NEU3: variants seen among roughly 807,000 people sequenced by gnomAD.
NEU3 encodes neuraminidase 3.
In NEU3, 10 loss-of-function variants were observed where a neutral mutation model predicts 11.4. That is an observed-to-expected ratio of 0.88 (90% CI 0.54 to 1.49). NEU3 has a LOEUF of 1.49. Among genes scored for constraint, NEU3 ranks in the 40% most tolerant of loss-of-function variants. The pLI is 0.00. For missense variants in NEU3, 529 were observed against 581.8 expected (o/e 0.91, Z 0.93); for synonymous variants, 212 against 228.2 (o/e 0.93, Z 0.64).
chr11:75,004,319 C>A, intron 2 of NEU3: 2 of 676,018 alleles, frequency 3.0e-6, no homozygotes, highest in South Asian at 3.1e-5. Flanking sequence ...GGGGTTTTGC[C>A]ATGTTGCCCA....
chr11:75,015,728 T>C (rs1182883504), downstream of NEU3, among the ~76,000 whole-genome samples: 1 of 152,244 alleles, frequency 6.6e-6, no homozygotes, highest in East Asian at 1.9e-4. Flanking sequence ...GAATACAGAC[T>C]GTTACTACTA....
chr11:74,992,877 T>C (rs889484164), intron 1 of NEU3, among the ~76,000 whole-genome samples: 1 of 152,128 alleles, frequency 6.6e-6, no homozygotes, highest in African/African-American at 2.4e-5. Flanking sequence ...GGGGAGTTGC[T>C]TGAACCCAGG....
downstream of NEU3, among the ~76,000 whole-genome samples, chr11:75,012,180 T>G (rs931686031): frequency 6.6e-6 from 1 of 152,178 alleles, no homozygotes; most frequent in African/African-American, 2.4e-5. Context: ...CCTCACATCC[T>G]CGTAGCCTAA....
Position 75,006,014 on chromosome 11 carries a change from G to C in NEU3, c.908G>C (p.Arg303Pro). 6.2e-7 allele frequency: 1 copy of C among 1,613,944 alleles called. No individual in the cohort carries two copies. The change falls in exon 3 of 3, where the codon CGA becomes CCA. Residue 303 changes from arginine (R) to proline (P), a missense_variant. Transcript: ENST00000294064. ...GEGFQRLALS[R>P]QLCEPPHGCQ... The stretch of plus-strand genomic sequence containing the variant: ...GGCTTTCAGAGACTGGCCCTGAGTC[G>C]ACAGCTCTGTGAGCCCCCACATGGT...
chr11:74,983,555 G>A (rs181306140), upstream of NEU3, among the ~76,000 whole-genome samples: 7 of 152,280 alleles, frequency 4.6e-5, no homozygotes, highest in African/African-American at 9.6e-5. Context: ...AAACAACAGC[G>A]GCCAGAGGAG....
chr11:75,015,922 C>T (rs1188149312), intron 3 of NEU3, among the ~76,000 whole-genome samples: 2 of 152,174 alleles, frequency 1.3e-5, no homozygotes, highest in Non-Finnish European at 2.9e-5. Flanking sequence ...CAGATCTGGA[C>T]AAGTGGGCAC....
upstream of NEU3, among the ~76,000 whole-genome samples, chr11:74,984,718 A>T (rs1412179075): frequency 6.6e-6 from 1 of 152,198 alleles, no homozygotes; most frequent in African/African-American, 2.4e-5. Context: ...TGCTCTGCTA[A>T]TACGGGTGCC....
intron 2 of NEU3, chr11:75,004,154 C>T: frequency 2.0e-6 from 1 of 508,044 alleles, no homozygotes; most frequent in South Asian, 2.9e-5. Context: ...GTCCTACATA[C>T]AGGTTGAACC....
chr11:75,011,264 G>T (rs1302120386), downstream of NEU3, among the ~76,000 whole-genome samples: 1 of 152,164 alleles, frequency 6.6e-6, no homozygotes, highest in Non-Finnish European at 1.5e-5. Context: ...TTCTCAACTT[G>T]TAGCTGAAGG....
chr11:74,995,350 C>T (rs560092184), intron 2 of NEU3, among the ~76,000 whole-genome samples: 113 of 152,276 alleles, frequency 7.4e-4, no homozygotes, highest in African/African-American at 1.3e-3. Flanking sequence ...TTTGGTCACG[C>T]GTCTAATAAG....
At chr11:75,017,649 TG>T (rs1948986959) in intron 3 of NEU3, among the ~76,000 whole-genome samples, 1 of 152,142 alleles carries the variant, frequency 6.6e-6, no homozygotes, top group South Asian at 2.1e-4. Flanking sequence ...TTGGGGATAT[TG>T]GGGCCAAAGG....
rs529231428 is a variant in NEU3, at chr11:75,000,847, C to T, written c.307-4566C>T. Among the ~76,000 whole-genome samples the T allele has an allele frequency of 1.7e-4, 26 of 150,682 alleles. No individual in the cohort carries two copies. The East Asian group carries it at 4.1e-3, about 24-fold the overall frequency. ...AGAAATGGGGTTTCAGTATGTTGCC[C>T]GGGCTCCATTCATCTCTTGATGGAT... On this transcript the variant is annotated intron_variant, in intron 2 of 2. Coordinates refer to ENST00000294064, the MANE Select transcript of NEU3 (RefSeq NM_006656.6).
chr11:74,990,105 G>C, intron 1 of NEU3: 1 of 667,550 alleles, frequency 1.5e-6, no homozygotes, highest in Non-Finnish European at 2.7e-6. Context: ...GAAATTGTGA[G>C]GACATCAAAA....
Position 75,006,136 on chromosome 11 carries a change from C to A in NEU3, c.1030C>A (p.Pro344Thr), listed in dbSNP as rs370933888. Residue 344 changes from proline (P) to threonine (T), a missense_variant, in exon 3 of 3, where the codon CCA becomes ACA. By Grantham distance (38) the Pro-to-Thr change is conservative (BLOSUM62 -1). Coordinates refer to ENST00000294064, the MANE Select transcript of NEU3 (RefSeq NM_006656.6). Reference protein sequence around the residue: ...KDAPTIQQSSPGSSLRLEEEA... With the variant: ...KDAPTIQQSSTGSSLRLEEEA... ...TGCACCCACCATTCAGCAGAGCTCT[C>A]CAGGCAGTTCACTGAGGCTGGAGGA... is the stretch of plus-strand genomic sequence containing the variant. 6.2e-7 allele frequency: 1 copy of A among 1,613,990 alleles called. No homozygotes were observed. Among genetic ancestry groups the A allele is most frequent in the Non-Finnish European group, 8.5e-7 (1 of 1,179,890 alleles).
At chr11:74,980,735 A>T in the NEU3 span, among the ~76,000 whole-genome samples, 1 of 152,260 alleles carries the variant, frequency 6.6e-6, no homozygotes, top group Non-Finnish European at 1.5e-5. Context: ...GTGGTTCCAG[A>T]GTTACTGGAA....
chr11:74,995,445 T>G (rs1839810775), intron 2 of NEU3, among the ~76,000 whole-genome samples: 1 of 152,192 alleles, frequency 6.6e-6, no homozygotes, highest in South Asian at 2.1e-4. Flanking sequence ...TACTGCTCTT[T>G]GGCCTGGAAG....
At chr11:75,013,587 G>T (rs1170581959), downstream of NEU3, among the ~76,000 whole-genome samples, 1 of 152,176 alleles carries the variant, frequency 6.6e-6, no homozygotes, top group African/African-American at 2.4e-5. Context: ...AACCCAGCCT[G>T]GGTATGGAAG....
At chr11:74,993,365 G>A (rs2851136) in intron 1 of NEU3, among the ~76,000 whole-genome samples, 69,638 of 151,916 alleles carry the variant, frequency 0.46, 16,532 homozygotes, top group Non-Finnish European at 0.54. Context: ...CAGCACACCC[G>A]GCTAATTTTT....
chr11:75,005,292 C>A, intron 2 of NEU3, 121 bp from the exon 3 acceptor site: 4 of 1,103,118 alleles, frequency 3.6e-6, no homozygotes, highest in Non-Finnish European at 5.1e-6. Context: ...GTTAGGCCTT[C>A]GTGATTTTAT....
Sources: gnomAD v4.1 joint callset for allele counts (sites outside exome capture counted in the v4.1 genomes callset) on GRCh38, gnomAD v4.1.1 for gene constraint, MANE v1.5 for transcripts, NCBI Gene and HGNC (gene_info 2026-07-23, HGNC 2026-07-21) for gene names.